GIT1: variants seen among roughly 807,000 people sequenced by gnomAD.
The protein encoded by GIT1 is GIT ArfGAP 1.
Under a neutral mutation model 91.7 loss-of-function variants are expected in GIT1, and 14 were observed. The observed-to-expected ratio is 0.15, with a 90% CI of 0.10 to 0.24. The LOEUF is 0.24. GIT1 is among the 10% of genes least tolerant of loss of function. GIT1 has a pLI of 1.00. For synonymous variants in GIT1, 414 were observed against 418.2 expected (o/e 0.99, Z 0.12); for missense variants, 717 against 1,024.9 (o/e 0.70, Z 4.10).
At chr17:29,583,837 C>T in intron 1 of GIT1, 1 of 581,002 alleles carries the variant, frequency 1.7e-6, no homozygotes, top group South Asian at 2.2e-5. Context: ...TTCCTACATC[C>T]TTACCCCTCT....
Position 29,576,995 on chromosome 17 carries a change from G to A in GIT1, c.1095C>T (p.Asp365=). ...GGCTCCGCAGAGACAGCTCGAGGTT[G>A]TCTGAGGACACAGGAGTGTCACTCA... ...QQGKSLSSPT[D]NLELSLRSQS... Residue 365 remains aspartate (D), a splice_region_variant and synonymous_variant, in exon 12 of 20, where the codon GAC becomes GAT. Transcript: ENST00000225394. The A allele has an allele frequency of 3.1e-6, 5 of 1,603,662 alleles. No homozygotes were observed. Among genetic ancestry groups the A allele is most frequent in the Non-Finnish European group, 4.2e-6 (5 of 1,179,832 alleles).
In GIT1 at chr17:29,581,074, CG is replaced by C; in HGVS notation, c.761+263del. ...GATTACAGGCGTGAGCCACCGCGCC[CG>C]GCCCACAGGTAGCTTCTCACACCCA... On this transcript the variant is annotated intron_variant, in intron 7 of 19. Transcript: ENST00000225394. This position sits in a 1 kb window ranked among gnomAD's most constrained non-coding sequence, Gnocchi z 4.8. The C allele has an allele frequency of 1.9e-6, 1 of 528,172 alleles. No individual in the cohort carries two copies. Among genetic ancestry groups the C allele is most frequent in the Non-Finnish European group, 3.4e-6 (1 of 292,152 alleles). 32.7% of individuals were successfully genotyped at this position (528,172 alleles called of 1,614,324 possible).
In GIT1 at chr17:29,575,943, C is replaced by T. The variant is rs1373407255; in HGVS notation, c.1666-45G>A. 3 of 1,543,882 alleles carry T rather than the reference C, an allele frequency of 1.9e-6. No homozygotes were observed. Among genetic ancestry groups the T allele is most frequent in the Admixed American group, 3.5e-5 (2 of 57,520 alleles). On this transcript the variant is annotated intron_variant, in intron 15 of 19. Transcript: ENST00000225394. The surrounding 1 kb of genome is among the most constrained non-coding windows in gnomAD (Gnocchi z 5.5). ...TGGATGGAGTCAGTGTGCCCCACTG[C>T]CCCCCTGCTCACCAGCAGTGCAGCA... is the stretch of plus-strand genomic sequence containing the variant.
At chr17:29,582,537 G>C (rs1054292463) in intron 4 of GIT1, among the ~76,000 whole-genome samples, 161 bp downstream of exon 4, 33 of 152,158 alleles carry the variant, frequency 2.2e-4, no homozygotes, top group African/African-American at 7.2e-4. Flanking sequence ...AGCCACACAC[G>C]GCCTGACCCA....
chr17:29,582,614 G>T, intron 4 of GIT1, 84 bp downstream of exon 4: 1 of 948,204 alleles, frequency 1.1e-6, no homozygotes, highest in Non-Finnish European at 1.7e-6. Flanking sequence ...CCAGGGCTCA[G>T]TGGGGACAAA....
intron 7 of GIT1, among the ~76,000 whole-genome samples, chr17:29,580,624 T>G (rs1238438519): frequency 6.6e-6 from 1 of 152,176 alleles, no homozygotes; most frequent in Non-Finnish European, 1.5e-5. Context: ...GCTAGAGGCC[T>G]AGCCAGCAGT....
intron 1 of GIT1, among the ~76,000 whole-genome samples, chr17:29,584,641 C>T (rs1017901352): frequency 7.2e-5 from 11 of 152,204 alleles, no homozygotes. Flanking sequence ...TTTGCTCTGC[C>T]CAGCGGCCCC....
At chr17:29,576,161 G>A in intron 14 of GIT1, 30 bp from the exon 15 acceptor site, 6 of 1,612,694 alleles carry the variant, frequency 3.7e-6, no homozygotes, top group Non-Finnish European at 5.1e-6. Flanking sequence ...GAGCGTCATG[G>A]TGGACCCTGC....
chr17:29,587,993 T>A (rs549046975), intron 1 of GIT1, among the ~76,000 whole-genome samples: 1 of 152,272 alleles, frequency 6.6e-6, no homozygotes, highest in African/African-American at 2.4e-5. Context: ...CAGGGCCCTC[T>A]AAACCATGAT....
At position 29,581,410 on chromosome 17, in the gene GIT1, C is replaced by A. The variant is rs1175525267; in HGVS notation, c.719-30G>T. On this transcript the variant is annotated intron_variant, in intron 6 of 19. Transcript: ENST00000225394. The surrounding 1 kb of genome is among the most constrained non-coding windows in gnomAD (Gnocchi z 4.8). ...ACAAAAATAAAAATGCCAAGTCACTCACTAGTGCTGGGTGGCCTCAGCAGC... is the reference window on the plus strand; with the variant it reads ...ACAAAAATAAAAATGCCAAGTCACTAACTAGTGCTGGGTGGCCTCAGCAGC... 6.3e-7 allele frequency: 1 copy of A among 1,585,942 alleles called. No homozygotes were observed. Among genetic ancestry groups the A allele is most frequent in the Non-Finnish European group, 8.7e-7 (1 of 1,154,788 alleles).
In GIT1 at chr17:29,576,678, CAG is replaced by C. The variant is rs1490201878; in HGVS notation, c.1228-6_1228-5del. The stretch of plus-strand genomic sequence containing the variant: ...ACAAGTCCGAGGAGTCCATGCTCTG[CAG>C]AGAGAGACCTAAGCTGGTCAGCACC... On this transcript the variant is annotated splice_polypyrimidine_tract_variant and splice_region_variant and intron_variant, in intron 12 of 19. Coordinates refer to ENST00000225394, the MANE Select transcript of GIT1 (RefSeq NM_014030.4). 4.3e-6 allele frequency: 7 copies of C among 1,613,728 alleles called. No homozygotes were observed. The highest frequency in any genetic ancestry group is 3.3e-5 in the Admixed American group (2 of 60,002).
rs748487444 is a variant in GIT1, at chr17:29,574,623, T to G, written c.*79A>C. On this transcript the variant is annotated 3_prime_UTR_variant, in exon 20 of 20. Coordinates refer to ENST00000225394, the MANE Select transcript of GIT1 (RefSeq NM_014030.4). ...ACTTGTGCCAGTGGCTCTGTTGGGG[T>G]GGGGATTAATGTCTGGAGTGGCCCA... 1 of 1,156,996 alleles carries G rather than the reference T, an allele frequency of 8.6e-7. No individual in the cohort carries two copies. The highest frequency in any genetic ancestry group is 1.3e-5 in the South Asian group (1 of 79,662). The allele number at this position is 1,156,996 out of a possible 1,614,324, so 71.7% of individuals were successfully genotyped here. A position where few individuals can be genotyped will look rare whatever the true frequency, so the allele number is the denominator to read the frequency against.
Position 29,575,260 on chromosome 17 carries a change from C to T in GIT1, c.2009+28G>A. 2 of 1,589,202 alleles carry T rather than the reference C, an allele frequency of 1.3e-6. No homozygotes were observed. The highest frequency in any genetic ancestry group is 2.2e-5 in the East Asian group (1 of 44,570). ...CCCTAGAAGCCAACAGGAACTGCAT[C>T]CCCCTCACCTCCCCCTCCACTCAGT... is the stretch of plus-strand genomic sequence containing the variant. On this transcript the variant is annotated intron_variant, in intron 18 of 19. Coordinates refer to ENST00000225394, the MANE Select transcript of GIT1 (RefSeq NM_014030.4). The surrounding 1 kb of genome is among the most constrained non-coding windows in gnomAD (Gnocchi z 5.5).
At chr17:29,586,156 AG>A (rs2033588848) in intron 1 of GIT1, among the ~76,000 whole-genome samples, 1 of 152,146 alleles carries the variant, frequency 6.6e-6, no homozygotes, top group Admixed American at 6.5e-5. Flanking sequence ...ACGGACTGGG[AG>A]GGGGTACTTG....
At position 29,581,855 on chromosome 17, in the gene GIT1, G is replaced by C. The variant is rs202158491; in HGVS notation, c.624-19C>G. 1.6e-4 allele frequency: 250 copies of C among 1,610,992 alleles called. No individual in the cohort carries two copies. The African/African-American group carries it at 3.1e-3, about 20-fold the overall frequency. On this transcript the variant is annotated intron_variant, in intron 5 of 19. Coordinates refer to ENST00000225394, the MANE Select transcript of GIT1 (RefSeq NM_014030.4). This position sits in a 1 kb window ranked among gnomAD's most constrained non-coding sequence, Gnocchi z 4.8. Reference sequence around the variant, plus strand: ...CGCCTGCCTGTGAGGAGGGGGTATGGCTCAGACCTGCAGCAGCAGCCCTCA... The same window carrying C: ...CGCCTGCCTGTGAGGAGGGGGTATGCCTCAGACCTGCAGCAGCAGCCCTCA...
In GIT1 at chr17:29,581,465, G is replaced by A; in HGVS notation, c.719-85C>T. 1.9e-6 allele frequency: 2 copies of A among 1,079,974 alleles called. No individual in the cohort carries two copies. The highest frequency in any genetic ancestry group is 3.4e-5 in the Admixed American group (2 of 58,412). 66.9% of individuals were successfully genotyped at this position (1,079,974 alleles called of 1,614,324 possible). The stretch of plus-strand genomic sequence containing the variant: ...AGCCCACCTCACTGCCATGAGCAGG[G>A]CTGGCACCCAGAAGTGTCAGGGGAA... On this transcript the variant is annotated intron_variant, in intron 6 of 19. Transcript: ENST00000225394. The surrounding 1 kb of genome is among the most constrained non-coding windows in gnomAD (Gnocchi z 4.8).
At chr17:29,588,277 G>C (rs1382339423) in intron 1 of GIT1, among the ~76,000 whole-genome samples, 2 of 152,210 alleles carry the variant, frequency 1.3e-5, no homozygotes, top group Non-Finnish European at 2.9e-5. Context: ...CAGGGAGATA[G>C]CTCCTTTGCT....
chr17:29,583,414 G>C (rs761574578), intron 2 of GIT1, 69 bp downstream of exon 2: 5 of 1,542,172 alleles, frequency 3.2e-6, no homozygotes, highest in Non-Finnish European at 4.4e-6. Flanking sequence ...GTGGGTGAGG[G>C]GGAAACGCCC....
At chr17:29,588,922 G>A (rs1462025631) in intron 1 of GIT1, among the ~76,000 whole-genome samples, 1 of 152,180 alleles carries the variant, frequency 6.6e-6, no homozygotes, top group Non-Finnish European at 1.5e-5. Flanking sequence ...GCAAGACGCG[G>A]GGGTGGCACT....
Sources: gnomAD v4.1 joint callset for allele counts (sites outside exome capture counted in the v4.1 genomes callset) on GRCh38, gnomAD v4.1.1 for gene constraint, Gnocchi (gnomAD v3.1) non-coding constraint, MANE v1.5 for transcripts, NCBI Gene and HGNC (gene_info 2026-07-23, HGNC 2026-07-21) for gene names.